USP12: variants seen among roughly 807,000 people sequenced by gnomAD.
USP12 encodes ubiquitin carboxyl-terminal hydrolase 12.
A neutral mutation model predicts 45.5 loss-of-function variants in USP12; 19 were observed. That is an observed-to-expected ratio of 0.42 (90% CI 0.29 to 0.61). USP12 has a LOEUF of 0.61. Ranked by LOEUF, USP12 falls within the 20% of genes least tolerant of loss-of-function variation. The pLI is 0.22. For synonymous variants in USP12, 149 were observed against 148.8 expected, an observed-to-expected ratio of 1.00 and a Z score of -0.01; for missense variants, 242 against 447.7, an observed-to-expected ratio of 0.54 and a Z score of 4.15.
intron 2 of USP12, among the ~76,000 whole-genome samples, chr13:27,115,987 G>A (rs1207103319): frequency 2.6e-5 from 4 of 152,168 alleles, no homozygotes; most frequent in African/African-American, 9.7e-5. Context: ...AGATTGACAA[G>A]TTAGAAACTA....
intron 1 of USP12, among the ~76,000 whole-genome samples, chr13:27,143,143 T>G (rs182317453): frequency 1.3e-3 from 196 of 149,460 alleles, no homozygotes; most frequent in East Asian, 9.7e-4. Flanking sequence ...AGTAGTCAGC[T>G]TGGAGGGTTT....
At chr13:27,120,459 C>G (rs1875931110) in intron 1 of USP12, among the ~76,000 whole-genome samples, 1 of 152,064 alleles carries the variant, frequency 6.6e-6, no homozygotes, top group Non-Finnish European at 1.5e-5. Context: ...TCGAGACCAG[C>G]CTGGCCAACA....
intron 6 of USP12, chr13:27,078,047 AT>A (rs1373944660): frequency 6.6e-6 from 1 of 152,170 alleles, no homozygotes; most frequent in Non-Finnish European, 1.5e-5. Flanking sequence ...GTAAACAGAT[AT>A]AAATTAATTT....
At chr13:27,167,038 A>T (rs2137850316) in intron 1 of USP12, among the ~76,000 whole-genome samples, 1 of 152,318 alleles carries the variant, frequency 6.6e-6, no homozygotes, top group Non-Finnish European at 1.5e-5. Context: ...CAAGTTTTTT[A>T]AAAAGTTAAA....
chr13:27,076,503 T>C (rs1462612971), intron 6 of USP12, among the ~76,000 whole-genome samples: 1 of 152,222 alleles, frequency 6.6e-6, no homozygotes, highest in African/African-American at 2.4e-5. Flanking sequence ...GTTCACTTTA[T>C]ATATGTCAAG....
chr13:27,076,029 C>CAAAAAAAAAAAAAAAAA lies in USP12; in HGVS notation c.735-658_735-642dup, dbSNP rs11458818. On this transcript the variant is annotated intron_variant, in intron 6 of 8. Coordinates refer to ENST00000282344, the MANE Select transcript of USP12 (RefSeq NM_182488.4). ...TGGGTGACAGAGCAAGGCTCCGTCT[C>CAAAAAAAAAAAAAAAAA]AAAAAAAAAAAAAAAAAAGAGTGGT... Among the ~76,000 whole-genome samples the CAAAAAAAAAAAAAAAAA allele has an allele frequency of 7.5e-3, 737 of 97,790 alleles. 17 individuals carry two copies. Among genetic ancestry groups the CAAAAAAAAAAAAAAAAA allele is most frequent in the Non-Finnish European group, 9.4e-3 (463 of 49,184 alleles). 64.2% of individuals were successfully genotyped at this position (97,790 alleles called of 152,430 possible). A position where few individuals can be genotyped will look rare whatever the true frequency, so the allele number is the denominator to read the frequency against.
chr13:27,111,912 C>A (rs1875465426), intron 2 of USP12, among the ~76,000 whole-genome samples: 1 of 151,460 alleles, frequency 6.6e-6, no homozygotes, highest in Non-Finnish European at 1.5e-5. Context: ...GCTATCAAAA[C>A]TGAAAAAGAT....
chr13:27,137,138 A>G (rs968449495), intron 1 of USP12, among the ~76,000 whole-genome samples: 5 of 152,262 alleles, frequency 3.3e-5, no homozygotes, highest in Non-Finnish European at 5.9e-5. Context: ...GATGTGTGCC[A>G]GTAGTCTTCC....
chr13:27,069,317 G>C lies in USP12; in HGVS notation c.1079C>G (p.Ser360Cys). 6.2e-7 allele frequency: 1 copy of C among 1,612,274 alleles called. No homozygotes were observed. The highest frequency in any genetic ancestry group is 8.5e-7 in the Non-Finnish European group (1 of 1,179,808). ...LTSDISKNSE[S>C]GYILFYQSRD is the part of the protein sequence containing the mutation. ...AGACTGATAGAAAAGGATGTAACCA[G>C]ACTCAGAGTTCTTTGAGATATCTGA... The change falls in exon 9 of 9, where the codon TCT becomes TGT. Residue 360 changes from serine to cysteine, a missense_variant. Transcript: ENST00000282344.
chr13:27,110,478 C>G (rs559096251), intron 2 of USP12, among the ~76,000 whole-genome samples: 1 of 152,292 alleles, frequency 6.6e-6, no homozygotes, highest in South Asian at 2.1e-4. Flanking sequence ...CCCACTGAAA[C>G]AGGAGTTACC....
At chr13:27,138,015 G>A (rs1321901125) in intron 1 of USP12, among the ~76,000 whole-genome samples, 1 of 152,218 alleles carries the variant, frequency 6.6e-6, no homozygotes, top group African/African-American at 2.4e-5. Flanking sequence ...AAAACATTCA[G>A]CCAGCACCCT....
At chr13:27,082,815 G>A (rs1197873399) in intron 6 of USP12, among the ~76,000 whole-genome samples, 1 of 152,186 alleles carries the variant, frequency 6.6e-6, no homozygotes, top group African/African-American at 2.4e-5. Flanking sequence ...GGAGCAGTCA[G>A]AACGCACAAC....
chr13:27,083,527 G>A (rs1873860755), intron 6 of USP12, among the ~76,000 whole-genome samples: 2 of 152,042 alleles, frequency 1.3e-5, no homozygotes, highest in Non-Finnish European at 2.9e-5. Flanking sequence ...TCCCCAGGGC[G>A]ATCACTCTCC....
In USP12 at chr13:27,149,882, A is replaced by G. The variant is rs563340555; in HGVS notation, c.48+21710T>C. Among the ~76,000 whole-genome samples, 5 of 152,236 alleles carry G rather than the reference A, an allele frequency of 3.3e-5. No homozygotes were observed. The South Asian group carries it at 6.2e-4, about 19-fold the overall frequency. On this transcript the variant is annotated intron_variant, in intron 1 of 8. Coordinates refer to ENST00000282344, the MANE Select transcript of USP12 (RefSeq NM_182488.4). ...ATGCGCGGTTCATAACAGGGTTCAC[A>G]CTCCTGAGAATCTAATGCCTTCTAC...
At chr13:27,127,288 A>G (rs1056045611) in intron 1 of USP12, among the ~76,000 whole-genome samples, 1 of 152,198 alleles carries the variant, frequency 6.6e-6, no homozygotes, top group South Asian at 2.1e-4. Flanking sequence ...AGAAGCTTGC[A>G]AAAGGCTTAA....
In USP12 at chr13:27,165,928, AT is replaced by A. The variant is rs1324494303; in HGVS notation, c.48+5663del. On this transcript the variant is annotated intron_variant, in intron 1 of 8. Coordinates refer to ENST00000282344, the MANE Select transcript of USP12 (RefSeq NM_182488.4). ...AGAAATGGGCTACAGAGCAAAAAAAATAATAATAATTTTTTAAAAAAGAGCT... is the reference window on the plus strand; with the variant it reads ...AGAAATGGGCTACAGAGCAAAAAAAAAATAATAATTTTTTAAAAAAGAGCT... Among the ~76,000 whole-genome samples, 19 of 152,176 alleles carry A rather than the reference AT, an allele frequency of 1.2e-4. 1 individual carries two copies. Among genetic ancestry groups the A allele is most frequent in the East Asian group, 3.9e-4 (2 of 5,184 alleles).
intron 3 of USP12, among the ~76,000 whole-genome samples, chr13:27,103,607 A>AAAATAATAAT (rs372985958): frequency 0.03 from 3,815 of 128,452 alleles, 97 homozygotes; most frequent in African/African-American, 0.049. Context: ...TCAAAAAAAA[A>AAAATAATAAT]AATAATAATA....
intron 6 of USP12, among the ~76,000 whole-genome samples, chr13:27,078,653 C>A (rs954917065): frequency 6.6e-6 from 1 of 150,654 alleles, no homozygotes; most frequent in African/African-American, 2.4e-5. Context: ...GGAGTCTTAC[C>A]AGAAATAAAG....
intron 1 of USP12, among the ~76,000 whole-genome samples, chr13:27,148,795 T>TACACACACACACACAC (rs58820564): frequency 0.57 from 79,969 of 141,494 alleles, 25,516 homozygotes; most frequent in Non-Finnish European, 0.74. Context: ...ATCATCTTAA[T>TACACACACACACACAC]ACACACACAC....
Sources: gnomAD v4.1 joint callset for allele counts (sites outside exome capture counted in the v4.1 genomes callset) on GRCh38, gnomAD v4.1.1 for gene constraint, MANE v1.5 for transcripts, NCBI Gene and HGNC (gene_info 2026-07-23, HGNC 2026-07-21) for gene names.